HS6ST3: variants seen among roughly 807,000 people sequenced by gnomAD.
HS6ST3 encodes heparan sulfate 6-O-sulfotransferase 3, also known as heparan-sulfate 6-O-sulfotransferase 3.
A neutral mutation model predicts 36.7 loss-of-function variants in HS6ST3; 12 were observed. The ratio of observed to expected loss-of-function variants is 0.33; its 90% confidence interval spans 0.21 to 0.53. The LOEUF (loss-of-function observed/expected upper bound fraction) is 0.53. Among genes scored for constraint, HS6ST3 ranks in the 20% least tolerant of loss-of-function variants. HS6ST3 has a pLI of 0.95. For synonymous variants in HS6ST3, 240 were observed against 257.5 expected (o/e 0.93, Z 0.65); for missense variants, 584 against 640.9 (o/e 0.91, Z 0.96).
intron 1 of HS6ST3, among the ~76,000 whole-genome samples, chr13:96,669,538 T>C (rs936041655): frequency 2.6e-5 from 4 of 152,216 alleles, no homozygotes; most frequent in African/African-American, 9.6e-5. Flanking sequence ...CAACAATGGC[T>C]TAAACTCATA....
At chr13:96,182,735 T>G (rs1050259901) in intron 1 of HS6ST3, among the ~76,000 whole-genome samples, 1 of 151,860 alleles carries the variant, frequency 6.6e-6, no homozygotes, top group African/African-American at 2.4e-5. Context: ...CTTAACAAAA[T>G]TCCTTGTACT....
chr13:96,697,265 G>T (rs1030115366), intron 1 of HS6ST3, among the ~76,000 whole-genome samples: 1 of 151,814 alleles, frequency 6.6e-6, no homozygotes, highest in Non-Finnish European at 1.5e-5. Context: ...CTTTTTAAAT[G>T]AGCAGATTGG....
chr13:96,322,489 G>A (rs993762532), intron 1 of HS6ST3, among the ~76,000 whole-genome samples: 28 of 152,134 alleles, frequency 1.8e-4, no homozygotes, highest in Middle Eastern at 6.8e-3. Flanking sequence ...CCTGGGAGGC[G>A]GAGGTTGCAG....
rs2053777230 is a variant in HS6ST3, at chr13:96,093,896, G to A, written c.707+2327G>A. Among the ~76,000 whole-genome samples the A allele has an allele frequency of 2.6e-5, 4 of 152,200 alleles. No individual in the cohort carries two copies. In the South Asian group the frequency reaches 8.3e-4, roughly 32 times the overall value. ...GGGTACCTTTTCACAATGCAAAATG[G>A]CAGATAATCTATTGGTACATAATGG... On this transcript the variant is annotated intron_variant, in intron 1 of 1. Transcript: ENST00000376705.
intron 1 of HS6ST3, among the ~76,000 whole-genome samples, chr13:96,236,596 A>T (rs907205226): frequency 2.6e-5 from 4 of 151,596 alleles, no homozygotes; most frequent in Admixed American, 2.0e-4. Context: ...TTCTAGAAAA[A>T]CTCTGACGCC....
intron 1 of HS6ST3, among the ~76,000 whole-genome samples, chr13:96,325,061 T>A (rs554813200): frequency 6.6e-6 from 1 of 152,316 alleles, no homozygotes; most frequent in East Asian, 1.9e-4. Context: ...CACCTATCAC[T>A]TACTCACCAG....
chr13:96,168,262 G>A (rs1014581046), intron 1 of HS6ST3, among the ~76,000 whole-genome samples: 2 of 152,078 alleles, frequency 1.3e-5, no homozygotes, highest in African/African-American at 2.4e-5. Context: ...TGAGCTCCCC[G>A]GGAGAATCAT....
At chr13:96,200,765 A>G (rs2054337890) in intron 1 of HS6ST3, among the ~76,000 whole-genome samples, 1 of 152,202 alleles carries the variant, frequency 6.6e-6, no homozygotes, top group African/African-American at 2.4e-5. Flanking sequence ...GGATGGCTAC[A>G]GAATATACCT....
intron 1 of HS6ST3, among the ~76,000 whole-genome samples, chr13:96,322,612 A>T (rs1566324078): frequency 2.6e-5 from 4 of 152,016 alleles, no homozygotes; most frequent in East Asian, 1.9e-4. Context: ...ATAAAATGCA[A>T]TTTTTTTCTC....
At chr13:96,293,389 TAGAG>T (rs141634708) in intron 1 of HS6ST3, among the ~76,000 whole-genome samples, 1,933 of 152,192 alleles carry the variant, frequency 0.013, 32 homozygotes, top group African/African-American at 0.043. Context: ...TTCAGATAGA[TAGAG>T]AGAGTGCACC....
intron 1 of HS6ST3, among the ~76,000 whole-genome samples, chr13:96,325,786 A>G (rs1166902836): frequency 6.6e-6 from 1 of 152,214 alleles, no homozygotes. Context: ...GGTCATTTAA[A>G]TTGGTTGAGA....
intron 1 of HS6ST3, among the ~76,000 whole-genome samples, chr13:96,717,189 G>A (rs1177135598): frequency 3.3e-5 from 5 of 152,194 alleles, no homozygotes. Context: ...GAAAGAGAGA[G>A]AAAGTATAGT....
chr13:96,529,661 C>T (rs1013210116), intron 1 of HS6ST3, among the ~76,000 whole-genome samples: 2 of 152,032 alleles, frequency 1.3e-5, no homozygotes, highest in South Asian at 4.1e-4. Context: ...TTGCCTATTA[C>T]TATGTAAACC....
intron 1 of HS6ST3, among the ~76,000 whole-genome samples, chr13:96,648,164 A>C (rs1445574117): frequency 2.0e-5 from 3 of 152,074 alleles, no homozygotes; most frequent in African/African-American, 7.2e-5. Context: ...AATGCTACAA[A>C]TTACAGTCCC....
intron 1 of HS6ST3, among the ~76,000 whole-genome samples, chr13:96,585,185 C>T (rs962824198): frequency 2.6e-5 from 4 of 152,000 alleles, no homozygotes; most frequent in Non-Finnish European, 5.9e-5. Context: ...TTAATAATAA[C>T]ATAAATTTCT....
At chr13:96,477,862 G>A (rs903380484) in intron 1 of HS6ST3, among the ~76,000 whole-genome samples, 2 of 151,920 alleles carry the variant, frequency 1.3e-5, no homozygotes, top group Non-Finnish European at 2.9e-5. Flanking sequence ...GACAGAGTGA[G>A]ACTCCATCTC....
In HS6ST3 at chr13:96,602,975, G is replaced by T. The variant is rs190396784; in HGVS notation, c.708-229515G>T. 8.4e-4 allele frequency among the ~76,000 whole-genome samples: 128 copies of T among 152,164 alleles called. 1 individual carries two copies. Among genetic ancestry groups the T allele is most frequent in the African/African-American group, 2.9e-3 (121 of 41,534 alleles). Reference sequence around the variant, plus strand: ...CCTCTTCAATGTGTCTTTTCTTATTGTCATGCTATAGCCAGGTACTATGCT... The same window carrying T: ...CCTCTTCAATGTGTCTTTTCTTATTTTCATGCTATAGCCAGGTACTATGCT... On this transcript the variant is annotated intron_variant, in intron 1 of 1. Transcript: ENST00000376705.
intron 1 of HS6ST3, among the ~76,000 whole-genome samples, chr13:96,399,634 G>A (rs905768572): frequency 1.3e-5 from 2 of 152,234 alleles, no homozygotes; most frequent in East Asian, 3.8e-4. Context: ...CTGTGCCAGA[G>A]GGCTGCCCAT....
At chr13:96,516,277 G>A (rs1176006203) in intron 1 of HS6ST3, among the ~76,000 whole-genome samples, 2 of 152,060 alleles carry the variant, frequency 1.3e-5, no homozygotes, top group Admixed American at 6.6e-5. Context: ...TGTTGGCCAG[G>A]CTGGTCTTGA....
Sources: gnomAD v4.1 joint callset for allele counts (sites outside exome capture counted in the v4.1 genomes callset) on GRCh38, gnomAD v4.1.1 for gene constraint, MANE v1.5 for transcripts, NCBI Gene and HGNC (gene_info 2026-07-23, HGNC 2026-07-21) for gene names.